The following HLCS variants were observed in gnomAD, a reference collection of about 807,000 sequenced individuals.
HLCS encodes holocarboxylase synthetase, also known as biotin--protein ligase.
HLCS carries 53 observed loss-of-function variants against 75.0 expected under a neutral mutation model. That is an observed-to-expected ratio of 0.71 (90% CI 0.57 to 0.89). The LOEUF is 0.89. HLCS is among the 40% of genes least tolerant of loss of function. The probability of loss-of-function intolerance (pLI) is 0.00; values close to 1 mark genes in which losing one functional copy is unlikely to be tolerated. For missense variants in HLCS, 966 were observed against 1,074.0 expected (o/e 0.90, Z 1.41); for synonymous variants, 431 against 428.6 (o/e 1.01, Z -0.07).
intron 6 of HLCS, among the ~76,000 whole-genome samples, chr21:36,895,061 GCGCTGCCCTCTTGGTGACA>G (rs1266546891): frequency 6.7e-6 from 1 of 149,810 alleles, no homozygotes; most frequent in Non-Finnish European, 1.5e-5. Flanking sequence ...TCTTGGTGAC[GCGCTGCCCTCTTGGTGACA>G]CGCTGCCTGG....
chr21:36,970,988 C>T (rs1414761948), upstream of HLCS, among the ~76,000 whole-genome samples: 22 of 127,470 alleles, frequency 1.7e-4, no homozygotes, highest in African/African-American at 5.3e-4. Flanking sequence ...AGCAAGACTC[C>T]ATCTCAAAAA....
chr21:36,865,998 CT>C (rs1348413139), intron 6 of HLCS, among the ~76,000 whole-genome samples: 2 of 152,138 alleles, frequency 1.3e-5, no homozygotes, highest in African/African-American at 4.8e-5. Flanking sequence ...TAATACTCAA[CT>C]TTTTTCACAG....
chr21:36,955,778 G>A (rs994347320), intron 2 of HLCS, among the ~76,000 whole-genome samples: 1 of 152,122 alleles, frequency 6.6e-6, no homozygotes, highest in Non-Finnish European at 1.5e-5. Context: ...TCACTGACTC[G>A]CCCTGAGCCA....
intron 6 of HLCS, among the ~76,000 whole-genome samples, chr21:36,893,605 C>G (rs541676657): frequency 3.4e-4 from 51 of 152,182 alleles, no homozygotes; most frequent in Non-Finnish European, 7.1e-4. Context: ...CACCTCAGAT[C>G]ACGAGGCATT....
chr21:36,831,676 C>A (rs929808592), intron 6 of HLCS, among the ~76,000 whole-genome samples: 1 of 152,112 alleles, frequency 6.6e-6, no homozygotes, highest in Non-Finnish European at 1.5e-5. Context: ...GAGCAAGACT[C>A]CAACTCTAAA....
intron 6 of HLCS, among the ~76,000 whole-genome samples, chr21:36,799,332 T>C (rs2061126279): frequency 6.6e-6 from 1 of 152,210 alleles, no homozygotes; most frequent in African/African-American, 2.4e-5. Context: ...CACACACAGG[T>C]GAGTCTACTT....
intron 3 of HLCS, among the ~76,000 whole-genome samples, chr21:36,938,493 T>C (rs2066994585): frequency 6.6e-6 from 1 of 152,194 alleles, no homozygotes; most frequent in Non-Finnish European, 1.5e-5. Flanking sequence ...CTTAAGCTAA[T>C]AACTTATAGT....
intron 4 of HLCS, among the ~76,000 whole-genome samples, chr21:36,933,405 G>A (rs539650164): frequency 1.3e-5 from 2 of 151,924 alleles, no homozygotes; most frequent in Admixed American, 6.6e-5. Context: ...AAAAAAATTA[G>A]CCGGGCCTGA....
intron 1 of HLCS, among the ~76,000 whole-genome samples, chr21:36,984,092 G>A (rs1220446259): frequency 2.0e-5 from 3 of 152,018 alleles, no homozygotes; most frequent in African/African-American, 7.3e-5. Context: ...AACCACCTTT[G>A]CCTCACAAAG....
chr21:36,830,759 C>A (rs1181334106), intron 6 of HLCS, among the ~76,000 whole-genome samples: 1 of 140,688 alleles, frequency 7.1e-6, no homozygotes, highest in Non-Finnish European at 1.5e-5. Context: ...GAAGTTGAGG[C>A]TGCAGTGAGC....
At chr21:36,930,130 C>A in intron 5 of HLCS, 121 bp downstream of exon 5, 1 of 925,912 alleles carries the variant, frequency 1.1e-6, no homozygotes, top group East Asian at 2.4e-5. Flanking sequence ...TTTCCAAACC[C>A]GAAGTCAAAA....
chr21:36,843,449 C>T (rs1291565269), intron 6 of HLCS, among the ~76,000 whole-genome samples: 1 of 144,696 alleles, frequency 6.9e-6, no homozygotes, highest in Non-Finnish European at 1.5e-5. Context: ...CCCGCCCACC[C>T]CACCCCCGAA....
chr21:36,811,493 G>C (rs560096252), intron 6 of HLCS, among the ~76,000 whole-genome samples: 1 of 152,166 alleles, frequency 6.6e-6, no homozygotes, highest in Non-Finnish European at 1.5e-5. Flanking sequence ...AGGGGAGTTC[G>C]ACCACTGCCT....
At chr21:36,840,911 C>T (rs190237226) in intron 6 of HLCS, among the ~76,000 whole-genome samples, 26 of 152,178 alleles carry the variant, frequency 1.7e-4, no homozygotes, top group Admixed American at 1.6e-3. Flanking sequence ...CAGCACCAGG[C>T]CACAATATTG....
chr21:36,752,642 G>GT lies in HLCS; in HGVS notation c.*1603dup, dbSNP rs1299770983. ...TTTGGAGAAGAGTGGTTTTTTTTGT[G>GT]TTTTTTGTTTGTTTGTTTTTTGAGA... On this transcript the variant is annotated 3_prime_UTR_variant, in exon 11 of 11. Transcript: ENST00000674895. The GT allele has an allele frequency of 6.6e-6, 1 of 152,294 alleles. No homozygotes were observed. Among genetic ancestry groups the GT allele is most frequent in the Non-Finnish European group, 1.5e-5 (1 of 67,976 alleles). 9.4% of individuals were successfully genotyped at this position (152,294 alleles called of 1,614,324 possible). A position where few individuals can be genotyped will look rare whatever the true frequency, so the allele number is the denominator to read the frequency against.
intron 5 of HLCS, among the ~76,000 whole-genome samples, chr21:36,908,970 G>T (rs944415692): frequency 6.6e-6 from 1 of 152,070 alleles, no homozygotes; most frequent in Admixed American, 6.6e-5. Context: ...TGAGGCGGGC[G>T]GATCACAAGG....
At chr21:36,791,884 A>C (rs986369245) in intron 6 of HLCS, among the ~76,000 whole-genome samples, 1 of 152,110 alleles carries the variant, frequency 6.6e-6, no homozygotes, top group Non-Finnish European at 1.5e-5. Flanking sequence ...AAAAAAGAAC[A>C]ACCAAGTTAG....
intron 6 of HLCS, among the ~76,000 whole-genome samples, chr21:36,855,961 G>A (rs574894708): frequency 6.6e-6 from 1 of 152,234 alleles, no homozygotes; most frequent in Admixed American, 6.5e-5. Flanking sequence ...AAAGAAGCCA[G>A]AGGTGAAAGG....
chr21:36,902,677 A>G (rs946817631), intron 5 of HLCS, among the ~76,000 whole-genome samples: 1 of 152,164 alleles, frequency 6.6e-6, no homozygotes, highest in Non-Finnish European at 1.5e-5. Flanking sequence ...GAGGTGTTGA[A>G]GTTTGGGGAG....
Sources: gnomAD v4.1 joint callset for allele counts (sites outside exome capture counted in the v4.1 genomes callset) on GRCh38, gnomAD v4.1.1 for gene constraint, MANE v1.5 for transcripts, NCBI Gene and HGNC (gene_info 2026-07-23, HGNC 2026-07-21) for gene names.